The following PDZRN3 variants were observed in gnomAD, a reference collection of about 807,000 sequenced individuals.
PDZRN3 encodes the protein PDZ domain containing ring finger 3.
A neutral mutation model predicts 85.7 loss-of-function variants in PDZRN3; 38 were observed. The observed-to-expected ratio is 0.44, with a 90% confidence interval of 0.34 to 0.58. The LOEUF (loss-of-function observed/expected upper bound fraction) is 0.58. Among genes scored for constraint, PDZRN3 ranks in the 20% least tolerant of loss-of-function variants. The pLI is 0.01. For synonymous variants in PDZRN3, 759 were observed against 638.0 expected (o/e 1.19, Z -2.86); for missense variants, 1,629 against 1,506.4 (o/e 1.08, Z -1.35).
At chr3:73,432,622 A>C (rs1483801705) in intron 3 of PDZRN3, among the ~76,000 whole-genome samples, 2 of 152,110 alleles carry the variant, frequency 1.3e-5, no homozygotes, top group African/African-American at 4.8e-5. Flanking sequence ...CTTTAAGCAT[A>C]TCACCCCCTG....
At chr3:73,433,911 C>T in intron 3 of PDZRN3, 2 of 1,426,884 alleles carry the variant, frequency 1.4e-6, no homozygotes, top group Non-Finnish European at 1.8e-6. Flanking sequence ...TCGCAGCATG[C>T]ATGCATGCAC....
chr3:73,588,890 G>A (rs938794414), intron 3 of PDZRN3, among the ~76,000 whole-genome samples: 8 of 152,128 alleles, frequency 5.3e-5, no homozygotes, highest in African/African-American at 1.7e-4. Context: ...TTTGATGATC[G>A]ATGCAAAATG....
chr3:73,410,279 C>T (rs1416834162), intron 3 of PDZRN3, among the ~76,000 whole-genome samples: 1 of 152,148 alleles, frequency 6.6e-6, no homozygotes, highest in Non-Finnish European at 1.5e-5. Context: ...GGGAAGGCAA[C>T]TTATCTAAAA....
chr3:73,434,101 A>G (rs370448353), intron 3 of PDZRN3: 1 of 278,778 alleles, frequency 3.6e-6, no homozygotes, highest in African/African-American at 2.3e-5. Flanking sequence ...ATAATTGCCA[A>G]CTATGACAGT....
At chr3:73,399,337 C>T (rs1213788899) in intron 5 of PDZRN3, among the ~76,000 whole-genome samples, 1 of 152,132 alleles carries the variant, frequency 6.6e-6, no homozygotes, top group Admixed American at 6.5e-5. Context: ...GTTTCTCCAA[C>T]AGTGTTCCAG....
chr3:73,558,619 G>C (rs1278040851), intron 3 of PDZRN3, among the ~76,000 whole-genome samples: 1 of 152,178 alleles, frequency 6.6e-6, no homozygotes, highest in Non-Finnish European at 1.5e-5. Flanking sequence ...CTGGGTCAGG[G>C]GCTGGGACCC....
intron 3 of PDZRN3, among the ~76,000 whole-genome samples, chr3:73,437,708 C>T (rs1702557348): frequency 6.6e-6 from 1 of 152,032 alleles, no homozygotes; most frequent in Non-Finnish European, 1.5e-5. Flanking sequence ...CAAGACATAC[C>T]AAAGTGATTT....
intron 3 of PDZRN3, among the ~76,000 whole-genome samples, chr3:73,545,933 A>G (rs1255352608): frequency 2.0e-5 from 3 of 152,076 alleles, no homozygotes; most frequent in African/African-American, 7.2e-5. Flanking sequence ...TTTTTAACAA[A>G]GCTAAAAGGC....
At chr3:73,491,592 C>CTT (rs367581488) in intron 3 of PDZRN3, among the ~76,000 whole-genome samples, 4 of 117,538 alleles carry the variant, frequency 3.4e-5, no homozygotes, top group East Asian at 4.7e-4. Flanking sequence ...GTGGAAGGTT[C>CTT]CTTTTTTTTT....
At chr3:73,569,424 C>T (rs1702009915) in intron 3 of PDZRN3, 28 of 1,152,904 alleles carry the variant, frequency 2.4e-5, no homozygotes, top group Non-Finnish European at 3.0e-5. Flanking sequence ...TTTCCTGTCT[C>T]TTCCATGTCA....
At chr3:73,521,678 T>A (rs1467357381) in intron 3 of PDZRN3, among the ~76,000 whole-genome samples, 4 of 152,012 alleles carry the variant, frequency 2.6e-5, no homozygotes, top group Non-Finnish European at 5.9e-5. Flanking sequence ...TGCGTTGTAA[T>A]TATTCTTCTT....
At chr3:73,565,647 T>C (rs776442822) in intron 3 of PDZRN3, among the ~76,000 whole-genome samples, 21 of 152,154 alleles carry the variant, frequency 1.4e-4, no homozygotes, top group Non-Finnish European at 2.5e-4. Flanking sequence ...TTGAAAACTA[T>C]GCTTCAGGGG....
At chr3:73,437,944 G>C (rs1373181971) in intron 3 of PDZRN3, among the ~76,000 whole-genome samples, 1 of 152,128 alleles carries the variant, frequency 6.6e-6, no homozygotes, top group Non-Finnish European at 1.5e-5. Flanking sequence ...GTTTATAATA[G>C]AACTGTTTTT....
chr3:73,488,919 C>T (rs1261894946), intron 3 of PDZRN3, among the ~76,000 whole-genome samples: 4 of 152,148 alleles, frequency 2.6e-5, no homozygotes, highest in African/African-American at 9.7e-5. Flanking sequence ...CTGGGAGAGG[C>T]GAGGGTTGGA....
chr3:73,477,787 T>G (rs1453794997), intron 3 of PDZRN3, among the ~76,000 whole-genome samples: 1 of 151,106 alleles, frequency 6.6e-6, no homozygotes, highest in African/African-American at 2.4e-5. Context: ...GGAAAGGAGG[T>G]TTAATGGGCT....
intron 6 of PDZRN3, 66 bp downstream of exon 6, chr3:73,390,952 A>C (rs1351518850): frequency 1.1e-6 from 1 of 931,980 alleles, no homozygotes. Context: ...AGGGTTGGTG[A>C]ACATGAAAAA....
intron 3 of PDZRN3, among the ~76,000 whole-genome samples, chr3:73,430,440 A>G (rs535048412): frequency 6.6e-6 from 1 of 152,180 alleles, no homozygotes; most frequent in Non-Finnish European, 1.5e-5. Flanking sequence ...AGAAAAGGTC[A>G]CCATTTTACA....
At chr3:73,425,231 G>T (rs1022239249) in intron 3 of PDZRN3, among the ~76,000 whole-genome samples, 1 of 151,686 alleles carries the variant, frequency 6.6e-6, no homozygotes. Flanking sequence ...ATTTATCCAC[G>T]ATGGTCTTGA....
intron 3 of PDZRN3, among the ~76,000 whole-genome samples, chr3:73,559,396 G>A (rs1701770200): frequency 6.6e-6 from 1 of 151,470 alleles, no homozygotes; most frequent in Non-Finnish European, 1.5e-5. Context: ...ATGAGATTAT[G>A]ACGTTAAATG....
Sources: allele counts gnomAD v4.1 joint callset (sites outside exome capture counted in the v4.1 genomes callset), GRCh38; gene constraint gnomAD v4.1.1; transcripts MANE v1.5; gene names NCBI Gene and HGNC (gene_info 2026-07-23, HGNC 2026-07-21).